Variants in MCU observed in about 807,000 individuals in gnomAD.
The protein encoded by MCU is mitochondrial calcium uniporter, also known as calcium uniporter protein, mitochondrial.
MCU carries 12 observed loss-of-function variants against 45.2 expected under a neutral mutation model. That is an observed-to-expected ratio of 0.27 (90% CI 0.17 to 0.43). MCU has a LOEUF of 0.43. MCU is among the 20% of genes least tolerant of loss of function. MCU has a pLI of 1.00. For synonymous variants in MCU, 160 were observed against 165.1 expected, an observed-to-expected ratio of 0.97 and a Z score of 0.24; for missense variants, 324 against 436.7, an observed-to-expected ratio of 0.74 and a Z score of 2.30.
chr10:72,703,707 C>A (rs1223310782), intron 1 of MCU, among the ~76,000 whole-genome samples: 1 of 152,072 alleles, frequency 6.6e-6, no homozygotes, highest in Non-Finnish European at 1.5e-5. Context: ...GAGTTTGAGA[C>A]CAGCCTGGGC....
chr10:72,853,475 C>T (rs1275202196), intron 2 of MCU, among the ~76,000 whole-genome samples: 1 of 152,026 alleles, frequency 6.6e-6, no homozygotes, highest in African/African-American at 2.4e-5. Flanking sequence ...GGAAAAAAGC[C>T]CCTGAAATGT....
chr10:72,774,291 T>C (rs1354703129), intron 1 of MCU, among the ~76,000 whole-genome samples: 1 of 152,224 alleles, frequency 6.6e-6, no homozygotes, highest in Non-Finnish European at 1.5e-5. Flanking sequence ...GAATTCTTTT[T>C]TTGTTTTACC....
intron 2 of MCU, among the ~76,000 whole-genome samples, chr10:72,849,148 G>T (rs962421808): frequency 3.3e-5 from 5 of 152,078 alleles, no homozygotes; most frequent in Non-Finnish European, 7.4e-5. Flanking sequence ...GGGCATGGTG[G>T]CAGGCACCTG....
chr10:72,795,824 CCT>C, intron 1 of MCU, among the ~76,000 whole-genome samples: 1 of 152,128 alleles, frequency 6.6e-6, no homozygotes, highest in East Asian at 1.9e-4. Flanking sequence ...ATAGTGAAAC[CCT>C]GTCTCTACTA....
Position 72,714,005 on chromosome 10 carries a change from C to T in MCU, c.150+21704C>T, listed in dbSNP as rs147290628. 5.9e-3 allele frequency among the ~76,000 whole-genome samples: 885 copies of T among 148,838 alleles called. 12 individuals are homozygous for T. Among genetic ancestry groups the T allele is most frequent in the African/African-American group, 0.021 (833 of 39,950 alleles). On this transcript the variant is annotated intron_variant, in intron 1 of 7. Transcript: ENST00000373053. ...TGTGTGTGTTGGAGTCTCGCTTTGT[C>T]GTCCAGCCTGGAGTGCAATGGCGCG...
At chr10:72,806,994 A>G (rs901931427) in intron 1 of MCU, among the ~76,000 whole-genome samples, 3 of 152,242 alleles carry the variant, frequency 2.0e-5, no homozygotes, top group Non-Finnish European at 2.9e-5. Context: ...GCTAACATAT[A>G]GCTATTAAAC....
At chr10:72,819,894 C>G (rs956571888) in intron 1 of MCU, among the ~76,000 whole-genome samples, 4 of 151,950 alleles carry the variant, frequency 2.6e-5, no homozygotes, top group Non-Finnish European at 1.5e-5. Flanking sequence ...AAATTATAGT[C>G]TATTGAAAAA....
rs559320770 is a variant in MCU, at chr10:72,776,700, ACTAGAAGTC to A, written c.151-57656_151-57648del. On this transcript the variant is annotated intron_variant, in intron 1 of 7. Coordinates refer to ENST00000373053, the MANE Select transcript of MCU (RefSeq NM_138357.3). ...TTTTACCACTGTTATTCAGCATAAT[ACTAGAAGTC>A]CTGGCCAGAGCAATTAAGCAAGATA... 3.1e-3 allele frequency among the ~76,000 whole-genome samples: 475 copies of A among 152,306 alleles called. 3 individuals are homozygous for A. Among genetic ancestry groups the A allele is most frequent in the African/African-American group, 0.011 (450 of 41,572 alleles).
chr10:72,716,787 G>T (rs1405200383), intron 1 of MCU, among the ~76,000 whole-genome samples: 1 of 151,878 alleles, frequency 6.6e-6, no homozygotes, highest in Non-Finnish European at 1.5e-5. Context: ...TGAAAGGATC[G>T]CTTGAGCCCA....
chr10:72,869,175 T>C (rs1845502620), intron 5 of MCU, among the ~76,000 whole-genome samples: 1 of 152,220 alleles, frequency 6.6e-6, no homozygotes, highest in Non-Finnish European at 1.5e-5. Flanking sequence ...TAGTGGATAA[T>C]GATTTTAGCC....
intron 1 of MCU, among the ~76,000 whole-genome samples, chr10:72,702,111 G>T (rs901784981): frequency 2.0e-5 from 3 of 151,358 alleles, no homozygotes; most frequent in Non-Finnish European, 2.9e-5. Context: ...GTCATGGTTG[G>T]GGGGGAGGGG....
intron 1 of MCU, among the ~76,000 whole-genome samples, chr10:72,795,217 C>G (rs76359781): frequency 0.06 from 9,084 of 152,094 alleles, 898 homozygotes; most frequent in African/African-American, 0.21. Flanking sequence ...TTTTTCACCA[C>G]TCTAGCTTCC....
At chr10:72,814,088 A>G (rs1844589039) in intron 1 of MCU, among the ~76,000 whole-genome samples, 1 of 152,218 alleles carries the variant, frequency 6.6e-6, no homozygotes, top group South Asian at 2.1e-4. Flanking sequence ...ATGGAAAAGT[A>G]AAGGCAGTTA....
chr10:72,759,688 G>A (rs929984778), intron 1 of MCU, among the ~76,000 whole-genome samples: 2 of 152,110 alleles, frequency 1.3e-5, no homozygotes, highest in Non-Finnish European at 2.9e-5. Context: ...ATATTATAGG[G>A]TTGAAGCCTA....
At chr10:72,737,521 CTTT>C (rs796167474) in intron 1 of MCU, among the ~76,000 whole-genome samples, 2 of 136,442 alleles carry the variant, frequency 1.5e-5, no homozygotes, top group Non-Finnish European at 1.6e-5. Flanking sequence ...TTTTTCTTTC[CTTT>C]TTTTTTTTTT....
At chr10:72,866,677 C>T (rs1021870046) in intron 4 of MCU, among the ~76,000 whole-genome samples, 7 of 152,082 alleles carry the variant, frequency 4.6e-5, no homozygotes, top group East Asian at 1.9e-4. Context: ...TTACAGGCCG[C>T]GCCTGGCCAG....
chr10:72,748,860 A>G (rs147967669), intron 1 of MCU, among the ~76,000 whole-genome samples: 172 of 152,344 alleles, frequency 1.1e-3, no homozygotes, highest in African/African-American at 3.9e-3. Flanking sequence ...TAAACTTTCC[A>G]TCTGAGGATT....
At chr10:72,834,318 T>C (rs1350815328) in intron 1 of MCU, 41 bp from the exon 2 acceptor site, 4 of 1,464,680 alleles carry the variant, frequency 2.7e-6, no homozygotes, top group Non-Finnish European at 3.8e-6. Flanking sequence ...ATATGTTTGT[T>C]GTTCCATTCT....
At position 72,692,179 on chromosome 10, in the gene MCU, C is replaced by G. The variant is rs773635204; in HGVS notation, c.28C>G (p.Leu10Val). The change falls in exon 1 of 8, where the codon CTG becomes GTG. Residue 10 changes from leucine (L) to valine (V), a missense_variant. By Grantham distance (32) the Leu-to-Val change is conservative. This residue lies in a region of MCU where 111 missense variants were observed against 112.3 expected (regional missense o/e 0.99). Transcript: ENST00000373053. ...GGCGGCCGCCGCAGGTAGATCGCTC[C>G]TGCTGCTCCTCTCCTCTCGGGGCGG... MAAAAGRSL[L>V]LLLSSRGGGG... The G allele has an allele frequency of 2.3e-6, 3 of 1,283,744 alleles. No homozygotes were observed. The highest frequency in any genetic ancestry group is 3.6e-5 in the South Asian group (1 of 27,400). The allele number at this position is 1,283,744 out of a possible 1,614,324, so 79.5% of individuals were successfully genotyped here.
Sources: gnomAD v4.1 joint callset for allele counts (sites outside exome capture counted in the v4.1 genomes callset) on GRCh38, gnomAD v4.1.1 for gene constraint, gnomAD v4.1.1 regional missense constraint, MANE v1.5 for transcripts, NCBI Gene and HGNC (gene_info 2026-07-23, HGNC 2026-07-21) for gene names.